Variants in FBXO34 observed in about 807,000 individuals in gnomAD.
FBXO34 encodes the protein F-box only protein 34.
A neutral mutation model predicts 24.5 loss-of-function variants in FBXO34; 12 were observed. The observed-to-expected ratio is 0.49, with a 90% CI of 0.31 to 0.79. The LOEUF is 0.79. Among genes scored for constraint, FBXO34 ranks in the 30% least tolerant of loss-of-function variants. FBXO34 has a pLI of 0.04. For missense variants in FBXO34, 823 were observed against 857.7 expected, an observed-to-expected ratio of 0.96 and a Z score of 0.51; for synonymous variants, 320 against 311.9, an observed-to-expected ratio of 1.03 and a Z score of -0.27.
At chr14:55,360,094 T>C (rs899014440) in intron 3 of FBXO34, among the ~76,000 whole-genome samples, 5 of 151,672 alleles carry the variant, frequency 3.3e-5, no homozygotes, top group Non-Finnish European at 5.9e-5. Flanking sequence ...TTTTTTTGAG[T>C]TGGAGTCTCG....
the FBXO34 span, among the ~76,000 whole-genome samples, chr14:55,412,841 C>G: frequency 1.3e-5 from 2 of 152,188 alleles, no homozygotes; most frequent in African/African-American, 4.8e-5. Context: ...TGGAAACTGA[C>G]TTCTGCCTCC....
intron 1 of FBXO34, among the ~76,000 whole-genome samples, chr14:55,284,658 C>A (rs1306430028): frequency 6.8e-6 from 1 of 146,848 alleles, no homozygotes; most frequent in East Asian, 1.9e-4. Flanking sequence ...TCTCTGTCAC[C>A]CAAGCTAGAG....
chr14:55,329,895 T>A (rs1297351528), intron 1 of FBXO34, among the ~76,000 whole-genome samples: 2 of 151,688 alleles, frequency 1.3e-5, no homozygotes, highest in South Asian at 2.1e-4. Context: ...TAAGATAAAA[T>A]ATATATATAT....
chr14:55,350,697 G>T lies in FBXO34; in HGVS notation c.307G>T (p.Gly103Ter), dbSNP rs1260542182. The change falls in exon 2 of 2, where the codon GGA becomes TGA. Residue 103 changes from glycine to a stop codon, truncating the protein, a stop_gained. Coordinates refer to ENST00000313833, the MANE Select transcript of FBXO34 (RefSeq NM_017943.4). LOFTEE classifies it low-confidence loss of function (END_TRUNC). ...AACGATCCACCAGGGCGAAGAAGAA[G>T]GACCACTTGATATCTGGGCTGTTGT... Reference protein sequence around the residue: ...SATIHQGEEEGPLDIWAVVKP... With the variant: ...SATIHQGEEE 4 of 1,613,286 alleles carry T rather than the reference G, an allele frequency of 2.5e-6. No homozygotes were observed. Among genetic ancestry groups the T allele is most frequent in the Non-Finnish European group, 3.4e-6 (4 of 1,179,872 alleles).
chr14:55,283,944 ATGTG>A (rs71131258), intron 1 of FBXO34, among the ~76,000 whole-genome samples: 2,468 of 142,664 alleles, frequency 0.017, 26 homozygotes, highest in African/African-American at 0.036. Flanking sequence ...TTCTAAGACT[ATGTG>A]TGTGTGTGTG....
chr14:55,292,847 A>G (rs1881987210), intron 1 of FBXO34, among the ~76,000 whole-genome samples: 1 of 152,090 alleles, frequency 6.6e-6, no homozygotes, highest in South Asian at 2.1e-4. Flanking sequence ...GGTAGATGTT[A>G]GTACTTTTAA....
the FBXO34 span, among the ~76,000 whole-genome samples, chr14:55,393,866 A>G: frequency 1.3e-5 from 2 of 151,908 alleles, no homozygotes; most frequent in Non-Finnish European, 2.9e-5. Context: ...TTATAAGAGT[A>G]TATTTATATT....
the FBXO34 span, among the ~76,000 whole-genome samples, chr14:55,415,071 A>C: frequency 6.6e-6 from 1 of 152,220 alleles, no homozygotes; most frequent in Non-Finnish European, 1.5e-5. Flanking sequence ...ACCATTGAGA[A>C]GTATTAGTCC....
the FBXO34 span, among the ~76,000 whole-genome samples, chr14:55,402,572 AT>A: frequency 6.6e-6 from 1 of 152,002 alleles, no homozygotes; most frequent in East Asian, 1.9e-4. Flanking sequence ...ACATTAAAAT[AT>A]TTTTATCGGC....
the FBXO34 span, among the ~76,000 whole-genome samples, chr14:55,439,192 GC>G: frequency 6.7e-6 from 1 of 150,272 alleles, no homozygotes; most frequent in East Asian, 2.0e-4. Context: ...ACGTGCCTCG[GC>G]CTCCCAAAGT....
In FBXO34 at chr14:55,296,879, A is replaced by G. The variant is rs951683424; in HGVS notation, c.-11+25342A>G. 2.7e-5 allele frequency among the ~76,000 whole-genome samples: 4 copies of G among 148,796 alleles called. No individual in the cohort carries two copies. The East Asian group carries it at 6.0e-4, about 22-fold the overall frequency. ...TTAGCCATTTGTCTTCTAAAAAAATATATTTTATTTCCCAACATGCAAATA... is the reference window on the plus strand; with the variant it reads ...TTAGCCATTTGTCTTCTAAAAAAATGTATTTTATTTCCCAACATGCAAATA... On this transcript the variant is annotated intron_variant, in intron 1 of 1. Transcript: ENST00000313833.
At chr14:55,417,198 C>T in the FBXO34 span, among the ~76,000 whole-genome samples, 1 of 152,166 alleles carries the variant, frequency 6.6e-6, no homozygotes, top group African/African-American at 2.4e-5. Flanking sequence ...CATACAGCAG[C>T]AGCTGTGGGA....
chr14:55,323,025 A>AAAACAAC (rs1555337879), intron 1 of FBXO34, among the ~76,000 whole-genome samples: 1 of 107,742 alleles, frequency 9.3e-6, no homozygotes, highest in Non-Finnish European at 2.0e-5. Flanking sequence ...TACAAAAAAA[A>AAAACAAC]AAAAAAAAGC....
At chr14:55,385,906 C>T in the FBXO34 span, 1 of 1,614,038 alleles carries the variant, frequency 6.2e-7, no homozygotes, top group Non-Finnish European at 8.5e-7. Context: ...CAGAGGTGAG[C>T]TCTAATATAT....
At chr14:55,426,782 A>T in the FBXO34 span, among the ~76,000 whole-genome samples, 1 of 152,212 alleles carries the variant, frequency 6.6e-6, no homozygotes, top group African/African-American at 2.4e-5. Context: ...GGAAGATAGA[A>T]CAGGGATGGG....
the FBXO34 span, chr14:55,433,800 G>A: frequency 7.6e-7 from 1 of 1,311,268 alleles, no homozygotes; most frequent in Non-Finnish European, 1.1e-6. Flanking sequence ...AGCTGAATAT[G>A]AAAATCTCAA....
At chr14:55,321,178 T>TTA (rs1883121884) in intron 1 of FBXO34, among the ~76,000 whole-genome samples, 1 of 151,566 alleles carries the variant, frequency 6.6e-6, no homozygotes, top group East Asian at 1.9e-4. Context: ...TTTTTTTTTT[T>TTA]AATTCAGTGA....
chr14:55,333,718 G>T (rs1393305495), intron 1 of FBXO34, among the ~76,000 whole-genome samples: 1 of 105,720 alleles, frequency 9.5e-6, no homozygotes, highest in Non-Finnish European at 1.7e-5. Context: ...TAATGCTGGG[G>T]TGGCTTTTTT....
At chr14:55,341,656 T>C (rs1051242143) in intron 1 of FBXO34, among the ~76,000 whole-genome samples, 8 of 152,340 alleles carry the variant, frequency 5.3e-5, no homozygotes, top group African/African-American at 1.9e-4. Context: ...TATTAATTTT[T>C]TTGGACTTTA....
Sources: gnomAD v4.1 joint callset for allele counts (sites outside exome capture counted in the v4.1 genomes callset) on GRCh38, gnomAD v4.1.1 for gene constraint, MANE v1.5 for transcripts, NCBI Gene and HGNC (gene_info 2026-07-23, HGNC 2026-07-21) for gene names.